Variants in PACS1 observed in about 807,000 individuals in gnomAD.
The protein encoded by PACS1 is phosphofurin acidic cluster sorting protein 1.
A neutral mutation model predicts 115.0 loss-of-function variants in PACS1; 24 were observed. The observed-to-expected ratio is 0.21, with a 90% CI of 0.15 to 0.29. PACS1 has a LOEUF of 0.29. PACS1 is among the 10% of genes least tolerant of loss of function. The probability of loss-of-function intolerance (pLI) is 1.00; values close to 1 mark genes in which losing one functional copy is unlikely to be tolerated. For synonymous variants in PACS1, 453 were observed against 504.5 expected, an observed-to-expected ratio of 0.90 and a Z score of 1.37; for missense variants, 838 against 1,251.2, an observed-to-expected ratio of 0.67 and a Z score of 4.98.
chr11:66,228,080 T>C (rs1855502504), intron 11 of PACS1, among the ~76,000 whole-genome samples: 1 of 151,660 alleles, frequency 6.6e-6, no homozygotes, highest in Non-Finnish European at 1.5e-5. Context: ...TGCACAAACA[T>C]TTACTGTGCC....
intron 2 of PACS1, among the ~76,000 whole-genome samples, chr11:66,202,742 A>AAAAATAT (rs1200930188): frequency 8.4e-5 from 6 of 71,646 alleles, no homozygotes; most frequent in African/African-American, 3.2e-4. Context: ...AAAAAAAAAA[A>AAAAATAT]ATATATATAT....
chr11:66,128,969 T>A (rs1265030017), intron 1 of PACS1, among the ~76,000 whole-genome samples: 1 of 151,918 alleles, frequency 6.6e-6, no homozygotes, highest in Non-Finnish European at 1.5e-5. Flanking sequence ...GTGGCGTGGC[T>A]GCAGAGGGGC....
chr11:66,194,155 A>G (rs1357165501), intron 2 of PACS1, among the ~76,000 whole-genome samples: 2 of 151,992 alleles, frequency 1.3e-5, no homozygotes, highest in East Asian at 1.9e-4. Context: ...TAGTAGAGAC[A>G]GGGTTTCACT....
chr11:66,192,803 CAGAG>C (rs1361659397), intron 1 of PACS1, among the ~76,000 whole-genome samples: 1 of 151,758 alleles, frequency 6.6e-6, no homozygotes, highest in Non-Finnish European at 1.5e-5. Flanking sequence ...AAAGTCAGAG[CAGAG>C]TTACTGAGAC....
rs1246835413 is a variant in PACS1, at chr11:66,210,237, GT to G, written c.445-123del. The G allele has an allele frequency of 5.7e-6, 4 of 701,532 alleles. No homozygotes were observed. In the East Asian group the frequency reaches 1.0e-4, roughly 18 times the overall value. 43.5% of individuals were successfully genotyped at this position (701,532 alleles called of 1,614,324 possible). A position where few individuals can be genotyped will look rare whatever the true frequency, so the allele number is the denominator to read the frequency against. The stretch of plus-strand genomic sequence containing the variant: ...TTTGTAGAAACAGGAGTCTCACTAT[GT>G]TGCCCCAGGCTGGTCTCAAACTCCT... On this transcript the variant is annotated intron_variant, in intron 2 of 23. Coordinates refer to ENST00000320580, the MANE Select transcript of PACS1 (RefSeq NM_018026.4).
chr11:66,212,255 C>T (rs1855089619), intron 4 of PACS1, among the ~76,000 whole-genome samples: 1 of 151,674 alleles, frequency 6.6e-6, no homozygotes, highest in Non-Finnish European at 1.5e-5. Flanking sequence ...CCTTAGCCTC[C>T]TGAGTAGCTG....
rs17147391 is a variant in PACS1, at chr11:66,193,439, C to T, written c.357-47C>T. ...CTAACCAATTGTTCATCACTTTTCT[C>T]GCAAGTTCCTCGCATATGACAGCAT... On this transcript the variant is annotated intron_variant, in intron 1 of 23. Transcript: ENST00000320580. 1,802 of 1,335,058 alleles carry T rather than the reference C, an allele frequency of 1.3e-3. 22 individuals are homozygous for T. The African/African-American group carries it at 0.022, about 16-fold the overall frequency. 82.7% of individuals were successfully genotyped at this position (1,335,058 alleles called of 1,614,324 possible).
At chr11:66,240,089 G>A (rs912217326) in intron 21 of PACS1, among the ~76,000 whole-genome samples, 7 of 152,232 alleles carry the variant, frequency 4.6e-5, no homozygotes, top group African/African-American at 1.7e-4. Context: ...AACAATCCAC[G>A]TCTCTAAAAA....
chr11:66,239,632 G>A (rs1855772966), intron 21 of PACS1, among the ~76,000 whole-genome samples: 1 of 152,254 alleles, frequency 6.6e-6, no homozygotes, highest in South Asian at 2.1e-4. Flanking sequence ...ATGAGACAAT[G>A]TTGGCAGAGG....
rs200311469 is a variant in PACS1, at chr11:66,132,604, GA to G, written c.357-60873del. Among the ~76,000 whole-genome samples the G allele has an allele frequency of 3.2e-3, 476 of 150,660 alleles. 2 individuals carry two copies. Among genetic ancestry groups the G allele is most frequent in the African/African-American group, 0.011 (442 of 41,120 alleles). The stretch of plus-strand genomic sequence containing the variant: ...ACTGTATTATTTAGGGAATAAACAA[GA>G]AAAAAAAAGTCTGTACATGTTCAGT... On this transcript the variant is annotated intron_variant, in intron 1 of 23. Transcript: ENST00000320580.
intron 8 of PACS1, 134 bp downstream of exon 8, chr11:66,219,939 C>A: frequency 1.3e-6 from 1 of 744,672 alleles, no homozygotes. Flanking sequence ...CGTGGCATAC[C>A]TGGTAGAGCC....
At chr11:66,198,998 A>G (rs2139968) in intron 2 of PACS1, among the ~76,000 whole-genome samples, 5,489 of 152,266 alleles carry the variant, frequency 0.036, 327 homozygotes, top group East Asian at 0.17. Context: ...TACATACACA[A>G]AAGCTATTTG....
Position 66,235,991 on chromosome 11 carries a change from C to T in PACS1, c.2250+51C>T. On this transcript the variant is annotated intron_variant, in intron 19 of 23. Transcript: ENST00000320580. This position sits in a 1 kb window ranked among gnomAD's most constrained non-coding sequence, Gnocchi z 5.6. ...CACCCCACCCGTTCTCCTGGTCTTC[C>T]TGTTCCCCCTTACACAGGAAAACAA... 1 of 1,495,830 alleles carries T rather than the reference C, an allele frequency of 6.7e-7. No homozygotes were observed. Among genetic ancestry groups the T allele is most frequent in the Admixed American group, 1.7e-5 (1 of 59,864 alleles). The allele number at this position is 1,495,830 out of a possible 1,614,324, so 92.7% of individuals were successfully genotyped here. A position where few individuals can be genotyped will look rare whatever the true frequency, so the allele number is the denominator to read the frequency against.
At chr11:66,222,494 A>G (rs528744682) in intron 10 of PACS1, among the ~76,000 whole-genome samples, 18 of 152,242 alleles carry the variant, frequency 1.2e-4, no homozygotes, top group Admixed American at 9.8e-4. Context: ...AAGTGACCTC[A>G]GGCCCTAGGA....
chr11:66,146,739 A>G (rs1183539494), intron 1 of PACS1, among the ~76,000 whole-genome samples: 1 of 152,212 alleles, frequency 6.6e-6, no homozygotes, highest in East Asian at 1.9e-4. Flanking sequence ...TCCTGGTCAA[A>G]TAATTGACAG....
intron 1 of PACS1, among the ~76,000 whole-genome samples, chr11:66,123,987 C>T (rs1169113492): frequency 6.6e-6 from 1 of 152,166 alleles, no homozygotes; most frequent in South Asian, 2.1e-4. Flanking sequence ...ACAATATCTC[C>T]AAGGAACTGT....
At chr11:66,154,579 A>G (rs1051597909) in intron 1 of PACS1, among the ~76,000 whole-genome samples, 3 of 152,212 alleles carry the variant, frequency 2.0e-5, no homozygotes, top group Admixed American at 1.3e-4. Flanking sequence ...AATAACAGAT[A>G]ACTGGAAAAA....
At chr11:66,185,924 A>G (rs1393394210) in intron 1 of PACS1, among the ~76,000 whole-genome samples, 2 of 152,094 alleles carry the variant, frequency 1.3e-5, no homozygotes, top group East Asian at 3.9e-4. Context: ...TCACCTGCAT[A>G]CACAACAGAA....
chr11:66,209,773 C>T (rs542345337), intron 2 of PACS1, among the ~76,000 whole-genome samples: 28 of 151,876 alleles, frequency 1.8e-4, no homozygotes, highest in South Asian at 4.2e-4. Flanking sequence ...GGCATTGTGG[C>T]AGGTGCCTGT....
Sources: gnomAD v4.1 joint callset for allele counts (sites outside exome capture counted in the v4.1 genomes callset) on GRCh38, gnomAD v4.1.1 for gene constraint, Gnocchi (gnomAD v3.1) non-coding constraint, MANE v1.5 for transcripts, NCBI Gene and HGNC (gene_info 2026-07-23, HGNC 2026-07-21) for gene names.